The following RFX2 variants were observed in gnomAD, a reference collection of about 807,000 sequenced individuals.
The protein encoded by RFX2 is DNA-binding protein RFX2.
In RFX2, 20 loss-of-function variants were observed where a neutral mutation model predicts 87.8. That is an observed-to-expected ratio of 0.23 (90% CI 0.16 to 0.33). RFX2 has a LOEUF of 0.33. RFX2 is among the 10% of genes least tolerant of loss of function. The pLI, the probability that RFX2 is intolerant of heterozygous loss-of-function variation, is 1.00. For missense variants in RFX2, 767 were observed against 1,012.3 expected, an observed-to-expected ratio of 0.76 and a Z score of 3.29; for synonymous variants, 397 against 431.3, an observed-to-expected ratio of 0.92 and a Z score of 0.98.
At chr19:6,071,084 C>G (rs1427139954) in intron 1 of RFX2, among the ~76,000 whole-genome samples, 8 of 152,208 alleles carry the variant, frequency 5.3e-5, no homozygotes, top group Non-Finnish European at 1.0e-4. Context: ...TCTTTCCACA[C>G]TCGAGTATTA....
At chr19:5,995,469 T>C in intron 17 of RFX2, 132 bp downstream of exon 17, 2 of 877,070 alleles carry the variant, frequency 2.3e-6, no homozygotes, top group Middle Eastern at 4.5e-4. Flanking sequence ...GGATGACAGA[T>C]CCCAGGGCCC....
At chr19:6,003,312 GTC>G (rs2086520417) in intron 13 of RFX2, among the ~76,000 whole-genome samples, 1 of 152,074 alleles carries the variant, frequency 6.6e-6, no homozygotes, top group Non-Finnish European at 1.5e-5. Context: ...TGATCCTCCA[GTC>G]TCTGTCTCCC....
chr19:6,003,273 C>T (rs2086519748), intron 13 of RFX2, among the ~76,000 whole-genome samples: 1 of 152,034 alleles, frequency 6.6e-6, no homozygotes, highest in African/African-American at 2.4e-5. Context: ...TGTTGTTGCC[C>T]AGGCTGGTCT....
chr19:6,103,937 C>A (rs1410405147), intron 1 of RFX2, among the ~76,000 whole-genome samples: 1 of 152,120 alleles, frequency 6.6e-6, no homozygotes, highest in Non-Finnish European at 1.5e-5. Context: ...ATAATAACAA[C>A]AGTTACTTTT....
chr19:6,008,230 G>T lies in RFX2; in HGVS notation c.1016-6C>A, dbSNP rs912992910. 4 of 1,533,222 alleles carry T rather than the reference G, an allele frequency of 2.6e-6. No individual in the cohort carries two copies. The highest frequency in any genetic ancestry group is 3.5e-6 in the Non-Finnish European group (4 of 1,129,806). 95.0% of individuals were successfully genotyped at this position (1,533,222 alleles called of 1,614,324 possible). ...GGGGAAGACGTGGGAGACATCTGGG[G>T]GAGGAACACGGGAACATCAGAAATG... On this transcript the variant is annotated splice_region_variant and splice_polypyrimidine_tract_variant and intron_variant, in intron 9 of 17. Transcript: ENST00000303657.
Position 6,001,760 on chromosome 19 carries a change from T to G in RFX2, c.1859+55A>C. 6.7e-7 allele frequency: 1 copy of G among 1,483,472 alleles called. No homozygotes were observed. Among genetic ancestry groups the G allele is most frequent in the East Asian group, 2.3e-5 (1 of 43,608 alleles). The allele number at this position is 1,483,472 out of a possible 1,614,324, so 91.9% of individuals were successfully genotyped here. ...GCCGAGCCCCCTACCCTCTAGAAGT[T>G]TCTCTCAGAGCCCCCCACCCGCCAG... On this transcript the variant is annotated intron_variant, in intron 15 of 17. Coordinates refer to ENST00000303657, the MANE Select transcript of RFX2 (RefSeq NM_000635.4). The surrounding 1 kb of genome is among the most constrained non-coding windows in gnomAD (Gnocchi z 5.6).
In RFX2 at chr19:5,997,372, G is replaced by T; in HGVS notation, c.1860-159C>A. 1.2e-6 allele frequency: 1 copy of T among 816,628 alleles called. No homozygotes were observed. The highest frequency in any genetic ancestry group is 1.8e-6 in the Non-Finnish European group (1 of 546,848). 50.6% of individuals were successfully genotyped at this position (816,628 alleles called of 1,614,324 possible). On this transcript the variant is annotated intron_variant, in intron 15 of 17. Transcript: ENST00000303657. This position sits in a 1 kb window ranked among gnomAD's most constrained non-coding sequence, Gnocchi z 4.2. Reference sequence around the variant, plus strand: ...CGTGCAGGCCTACGCGGGGGCTGACGGGCTGCCGAGACCCTGGGCCCACGT... The same window carrying T: ...CGTGCAGGCCTACGCGGGGGCTGACTGGCTGCCGAGACCCTGGGCCCACGT...
At chr19:6,109,262 C>G (rs892652367) in intron 1 of RFX2, 5 of 152,002 alleles carry the variant, frequency 3.3e-5, no homozygotes, top group African/African-American at 1.2e-4. Flanking sequence ...GGAGGGGCAT[C>G]TTGGGGGCAC....
chr19:5,994,996 G>T, intron 17 of RFX2, 46 bp from the exon 18 acceptor site: 1 of 1,431,318 alleles, frequency 7.0e-7, no homozygotes, highest in Non-Finnish European at 9.7e-7. Context: ...AGGAGGGCAC[G>T]AGAGGGAGAG....
At position 6,012,948 on chromosome 19, in the gene RFX2, G is replaced by T; in HGVS notation, c.899+38C>A. ...AAACACCCACCCCTCCATGCTCCAG[G>T]GGAGAGCCAGCTCCTCCCAGCTCGG... On this transcript the variant is annotated intron_variant, in intron 8 of 17. Coordinates refer to ENST00000303657, the MANE Select transcript of RFX2 (RefSeq NM_000635.4). This position sits in a 1 kb window ranked among gnomAD's most constrained non-coding sequence, Gnocchi z 4.6. 1 of 1,479,042 alleles carries T rather than the reference G, an allele frequency of 6.8e-7. No individual in the cohort carries two copies. 91.6% of individuals were successfully genotyped at this position (1,479,042 alleles called of 1,614,324 possible).
chr19:6,053,567 G>A (rs1432071270), intron 1 of RFX2, among the ~76,000 whole-genome samples: 1 of 152,212 alleles, frequency 6.6e-6, no homozygotes, highest in Non-Finnish European at 1.5e-5. Context: ...TGGTGATAAT[G>A]AGGGAAGCTG....
Position 6,036,665 on chromosome 19 carries a change from AC to A in RFX2, c.522+3314del, listed in dbSNP as rs754385081. Among the ~76,000 whole-genome samples, 182 of 152,348 alleles carry A rather than the reference AC, an allele frequency of 1.2e-3. 3 individuals are homozygous for A. Among genetic ancestry groups the A allele is most frequent in the Middle Eastern group, 6.8e-3 (2 of 294 alleles). On this transcript the variant is annotated intron_variant, in intron 5 of 17. Coordinates refer to ENST00000303657, the MANE Select transcript of RFX2 (RefSeq NM_000635.4). ...TGCTGATGCTTACATATGTAAAAAA[AC>A]GTTTGACAGAATTCAACATCTATTT...
chr19:6,004,186 C>CCACCCCGGACG lies in RFX2; in HGVS notation c.1500+4_1500+14dup. The stretch of plus-strand genomic sequence containing the variant: ...CAGCCATCGTTGGGGAGCCCAGGCC[C>CCACCCCGGACG]CACCCCGGACGCACCTTGGTCTGGA... On this transcript the variant is annotated intron_variant, in intron 13 of 17. Coordinates refer to ENST00000303657, the MANE Select transcript of RFX2 (RefSeq NM_000635.4). This position sits in a 1 kb window ranked among gnomAD's most constrained non-coding sequence, Gnocchi z 4.8. The CCACCCCGGACG allele has an allele frequency of 6.2e-7, 1 of 1,605,598 alleles. No homozygotes were observed. The highest frequency in any genetic ancestry group is 1.1e-5 in the South Asian group (1 of 90,902).
intron 7 of RFX2, among the ~76,000 whole-genome samples, chr19:6,015,886 T>C (rs1269921295): frequency 6.6e-6 from 1 of 152,228 alleles, no homozygotes; most frequent in Non-Finnish European, 1.5e-5. Context: ...CCCCACGTCC[T>C]ATCACCGGCT....
intron 1 of RFX2, among the ~76,000 whole-genome samples, chr19:6,071,153 C>A (rs986650934): frequency 6.6e-6 from 1 of 152,216 alleles, no homozygotes; most frequent in Non-Finnish European, 1.5e-5. Context: ...AAACATGCAT[C>A]CTTAAATAAG....
chr19:6,005,659 G>C (rs1482398168), intron 12 of RFX2, among the ~76,000 whole-genome samples: 1 of 152,210 alleles, frequency 6.6e-6, no homozygotes, highest in Non-Finnish European at 1.5e-5. Context: ...GAAATCACAG[G>C]GTGGGGCGCT....
intron 1 of RFX2, among the ~76,000 whole-genome samples, chr19:6,071,660 A>T (rs2087608314): frequency 6.6e-6 from 1 of 152,220 alleles, no homozygotes; most frequent in Non-Finnish European, 1.5e-5. Flanking sequence ...TGCGCTGAGA[A>T]GATGCAGCAA....
rs1332831691 is a variant in RFX2 at position 6,061,696 on chromosome 19, T to C, written c.-8-14192A>G. On this transcript the variant is annotated intron_variant, in intron 1 of 17. Coordinates refer to ENST00000303657, the MANE Select transcript of RFX2 (RefSeq NM_000635.4). The surrounding 1 kb of genome is among the most constrained non-coding windows in gnomAD (Gnocchi z 5.2). ...AATGCCAAGGGGAATGCCGAGTGGC[T>C]GGGAAGGAGGTATGACCACCCGGAG... Among the ~76,000 whole-genome samples the C allele has an allele frequency of 6.6e-6, 1 of 152,146 alleles. No individual in the cohort carries two copies. The highest frequency in any genetic ancestry group is 2.4e-5 in the African/African-American group (1 of 41,428).
intron 1 of RFX2, among the ~76,000 whole-genome samples, chr19:6,106,841 T>C (rs983565207): frequency 2.0e-5 from 3 of 148,076 alleles, no homozygotes; most frequent in Admixed American, 6.8e-5. Context: ...TATATAAGTA[T>C]ATATTATATA....
Sources: gnomAD v4.1 joint callset for allele counts (sites outside exome capture counted in the v4.1 genomes callset) on GRCh38, gnomAD v4.1.1 for gene constraint, Gnocchi (gnomAD v3.1) non-coding constraint, MANE v1.5 for transcripts, NCBI Gene and HGNC (gene_info 2026-07-23, HGNC 2026-07-21) for gene names.